The following MCOLN2 variants were observed in gnomAD, a reference collection of about 807,000 sequenced individuals.
MCOLN2 encodes mucolipin-2.
A neutral mutation model predicts 67.5 loss-of-function variants in MCOLN2; 57 were observed. The observed-to-expected ratio is 0.84, with a 90% CI of 0.68 to 1.05. The LOEUF (loss-of-function observed/expected upper bound fraction) is 1.05. MCOLN2 is among the 50% of genes least tolerant of loss of function. The pLI is 0.00. For missense variants in MCOLN2, 620 were observed against 678.8 expected, an observed-to-expected ratio of 0.91 and a Z score of 0.96; for synonymous variants, 246 against 233.3, an observed-to-expected ratio of 1.05 and a Z score of -0.50.
At chr1:84,947,852 C>T (rs1189566935) in intron 6 of MCOLN2, among the ~76,000 whole-genome samples, 1 of 152,244 alleles carries the variant, frequency 6.6e-6, no homozygotes, top group Admixed American at 6.5e-5. Flanking sequence ...AAGGTGCCTG[C>T]AACACCATGA....
chr1:84,944,697 C>T (rs146248414), intron 7 of MCOLN2, among the ~76,000 whole-genome samples: 155 of 152,244 alleles, frequency 1.0e-3, no homozygotes, highest in African/African-American at 3.5e-3. Flanking sequence ...GAGGGGACTT[C>T]GGAGTCACAA....
intron 6 of MCOLN2, among the ~76,000 whole-genome samples, chr1:84,951,392 C>T (rs1186256628): frequency 3.3e-5 from 5 of 152,028 alleles, no homozygotes; most frequent in African/African-American, 4.8e-5. Flanking sequence ...AGAAGGAAGG[C>T]GAGAAGGACA....
chr1:84,979,736 C>G (rs1442200029), intron 1 of MCOLN2, among the ~76,000 whole-genome samples: 3 of 152,082 alleles, frequency 2.0e-5, no homozygotes, highest in African/African-American at 7.2e-5. Flanking sequence ...TGGGGAAAAA[C>G]TGAAAGCCTT....
intron 1 of MCOLN2, among the ~76,000 whole-genome samples, chr1:84,972,324 G>T (rs1658220719): frequency 6.6e-6 from 1 of 152,122 alleles, no homozygotes. Context: ...CAGCTTTTAT[G>T]AATTATTTAT....
At position 84,926,537 on chromosome 1, in the gene MCOLN2, A is replaced by T; in HGVS notation, c.*148T>A. ...AAAAAGTAAAGCTGGAACTTCAGTCATGGTCAGCTGGCTAACTGTGAGTCC... is the reference window on the plus strand; with the variant it reads ...AAAAAGTAAAGCTGGAACTTCAGTCTTGGTCAGCTGGCTAACTGTGAGTCC... On this transcript the variant is annotated 3_prime_UTR_variant, in exon 14 of 14. Coordinates refer to ENST00000370608, the MANE Select transcript of MCOLN2 (RefSeq NM_153259.4). The T allele has an allele frequency of 2.1e-6, 1 of 478,268 alleles. No homozygotes were observed. The highest frequency in any genetic ancestry group is 3.7e-6 in the Non-Finnish European group (1 of 268,264). The allele number at this position is 478,268 out of a possible 1,614,324, so 29.6% of individuals were successfully genotyped here. A position where few individuals can be genotyped will look rare whatever the true frequency, so the allele number is the denominator to read the frequency against.
intron 1 of MCOLN2, among the ~76,000 whole-genome samples, chr1:84,993,921 C>T (rs918539277): frequency 8.5e-5 from 13 of 152,084 alleles, no homozygotes; most frequent in Non-Finnish European, 1.3e-4. Flanking sequence ...TGAGCCACCG[C>T]GCCCGGCCAA....
intron 1 of MCOLN2, among the ~76,000 whole-genome samples, chr1:84,993,649 A>T (rs1571059606): frequency 8.2e-6 from 1 of 122,224 alleles, no homozygotes; most frequent in Non-Finnish European, 1.6e-5. Context: ...TTTGAGACGG[A>T]GTCTCGCTCT....
At chr1:84,987,962 G>C (rs1048551942) in intron 1 of MCOLN2, among the ~76,000 whole-genome samples, 4 of 152,240 alleles carry the variant, frequency 2.6e-5, no homozygotes, top group East Asian at 1.9e-4. Context: ...ACTGGGTACA[G>C]TGTACACTGC....
At position 84,956,328 on chromosome 1, in the gene MCOLN2, T is replaced by A. The variant is rs1275054411; in HGVS notation, c.565+103A>T. 3 of 1,178,438 alleles carry A rather than the reference T, an allele frequency of 2.5e-6. No individual in the cohort carries two copies. In the East Asian group the frequency reaches 7.2e-5, roughly 28 times the overall value. The allele number at this position is 1,178,438 out of a possible 1,614,324, so 73.0% of individuals were successfully genotyped here. A position where few individuals can be genotyped will look rare whatever the true frequency, so the allele number is the denominator to read the frequency against. Reference sequence around the variant, plus strand: ...GTGTCAGCCCCTAACAGGTTAGCTCTCACCAAAGCAAAGTTTTTCCATCTG... The same window carrying A: ...GTGTCAGCCCCTAACAGGTTAGCTCACACCAAAGCAAAGTTTTTCCATCTG... On this transcript the variant is annotated intron_variant, in intron 4 of 13. Transcript: ENST00000370608.
intron 1 of MCOLN2, among the ~76,000 whole-genome samples, chr1:84,985,975 G>C (rs900617433): frequency 6.6e-6 from 1 of 152,128 alleles, no homozygotes; most frequent in Non-Finnish European, 1.5e-5. Flanking sequence ...AAAAGAGCCT[G>C]CATAGCTGAA....
intron 9 of MCOLN2, 63 bp from the exon 10 acceptor site, chr1:84,938,145 A>G: frequency 1.7e-6 from 2 of 1,184,192 alleles, no homozygotes; most frequent in South Asian, 1.4e-5. Flanking sequence ...TTAGCTTATT[A>G]GCCTTACATT....
At chr1:84,931,780 C>T (rs1356164565) in intron 11 of MCOLN2, among the ~76,000 whole-genome samples, 2 of 152,168 alleles carry the variant, frequency 1.3e-5, no homozygotes, top group Non-Finnish European at 2.9e-5. Context: ...AATCCCAGCA[C>T]TTTGGGAGGC....
intron 9 of MCOLN2, among the ~76,000 whole-genome samples, chr1:84,938,408 C>T (rs1160165253): frequency 1.3e-5 from 2 of 152,068 alleles, no homozygotes; most frequent in African/African-American, 2.4e-5. Flanking sequence ...CCTAGGCATT[C>T]GAGGATACAA....
intron 1 of MCOLN2, among the ~76,000 whole-genome samples, chr1:84,970,331 G>A (rs1649608078): frequency 6.6e-6 from 1 of 150,462 alleles, no homozygotes; most frequent in East Asian, 2.0e-4. Context: ...CGAAGAAGTT[G>A]TTTTCTCGAA....
chr1:84,934,330 C>T (rs202214578), intron 11 of MCOLN2, among the ~76,000 whole-genome samples: 2 of 37,458 alleles, frequency 5.3e-5, no homozygotes, highest in Non-Finnish European at 1.3e-4. Flanking sequence ...ATAAAGAGTC[C>T]CCATAGGTTC....
In MCOLN2 at chr1:84,931,344, A is replaced by G. The variant is rs768888200; in HGVS notation, c.1542+18T>C. The G allele has an allele frequency of 7.0e-7, 1 of 1,436,968 alleles. No individual in the cohort carries two copies. The highest frequency in any genetic ancestry group is 1.2e-5 in the South Asian group (1 of 83,272). 89.0% of individuals were successfully genotyped at this position (1,436,968 alleles called of 1,614,324 possible). On this transcript the variant is annotated intron_variant, in intron 12 of 13. Transcript: ENST00000370608. ...ATTTGCAGTGATTTTTTGGCAGCAA[A>G]TTTTGATAATTACTTACCTTAATGG...
chr1:84,940,418 CAG>C (rs931844134), intron 8 of MCOLN2, among the ~76,000 whole-genome samples: 8 of 152,118 alleles, frequency 5.3e-5, no homozygotes, highest in Non-Finnish European at 7.4e-5. Context: ...AAATGAAACT[CAG>C]GGGAGAATTT....
At chr1:84,990,010 T>G (rs1161544962) in intron 1 of MCOLN2, among the ~76,000 whole-genome samples, 1 of 152,054 alleles carries the variant, frequency 6.6e-6, no homozygotes, top group South Asian at 2.1e-4. Context: ...AGAATCAAAC[T>G]TCTGGGCCGG....
chr1:84,945,940 G>A (rs756380281), intron 7 of MCOLN2, among the ~76,000 whole-genome samples: 15 of 151,968 alleles, frequency 9.9e-5, no homozygotes, highest in Non-Finnish European at 1.8e-4. Flanking sequence ...GTAGAGACGC[G>A]GTTTTGTCAT....
Sources: allele counts gnomAD v4.1 joint callset (sites outside exome capture counted in the v4.1 genomes callset), GRCh38; gene constraint gnomAD v4.1.1; transcripts MANE v1.5; gene names NCBI Gene and HGNC (gene_info 2026-07-23, HGNC 2026-07-21).